Variants in GAB1 observed in about 807,000 individuals in gnomAD.
The protein encoded by GAB1 is GRB2 associated binding protein 1, also known as GRB2-associated-binding protein 1.
A neutral mutation model predicts 66.5 loss-of-function variants in GAB1; 19 were observed. The observed-to-expected ratio is 0.29, with a 90% CI of 0.20 to 0.42. The LOEUF (loss-of-function observed/expected upper bound fraction) is 0.42, where lower values mean the gene tolerates loss of function less well. GAB1 is among the 10% of genes least tolerant of loss of function. GAB1 has a pLI of 1.00. For synonymous variants in GAB1, 294 were observed against 301.4 expected (o/e 0.98, Z 0.25); for missense variants, 732 against 858.5 (o/e 0.85, Z 1.84).
chr4:143,418,566 C>T (rs1732827329), intron 2 of GAB1, among the ~76,000 whole-genome samples: 2 of 152,074 alleles, frequency 1.3e-5, no homozygotes, highest in South Asian at 4.1e-4. Context: ...TTGCCTATTG[C>T]CTTTTCAATG....
At chr4:143,385,095 A>G (rs1411183098) in intron 1 of GAB1, among the ~76,000 whole-genome samples, 2 of 152,198 alleles carry the variant, frequency 1.3e-5, no homozygotes, top group Admixed American at 6.5e-5. Flanking sequence ...GAGTTTATAT[A>G]TCAGCATAGC....
At chr4:143,356,826 A>T (rs2149653315) in intron 1 of GAB1, among the ~76,000 whole-genome samples, 1 of 152,276 alleles carries the variant, frequency 6.6e-6, no homozygotes, top group South Asian at 2.1e-4. Context: ...GAGTGCAGAG[A>T]TTTGAGCTTG....
chr4:143,432,638 C>T (rs1250415390), intron 2 of GAB1, among the ~76,000 whole-genome samples: 1 of 152,068 alleles, frequency 6.6e-6, no homozygotes, highest in Non-Finnish European at 1.5e-5. Flanking sequence ...GAGCATTTGC[C>T]TTTTTCTGCA....
chr4:143,461,050 A>G (rs1019415881), intron 8 of GAB1, among the ~76,000 whole-genome samples: 9 of 152,230 alleles, frequency 5.9e-5, no homozygotes, highest in Admixed American at 2.6e-4. Context: ...TGGCTATACT[A>G]CCATAAAGCA....
intron 6 of GAB1, among the ~76,000 whole-genome samples, chr4:143,451,532 T>TA (rs1734931315): frequency 6.6e-6 from 1 of 152,228 alleles, no homozygotes; most frequent in Non-Finnish European, 1.5e-5. Context: ...TTAGATTTGT[T>TA]ACCATTTAAA....
intron 1 of GAB1, among the ~76,000 whole-genome samples, chr4:143,350,363 G>A (rs1729152079): frequency 6.6e-6 from 1 of 152,108 alleles, no homozygotes; most frequent in Non-Finnish European, 1.5e-5. Flanking sequence ...TCATGGCTTA[G>A]CTCACTAAAA....
At chr4:143,383,932 G>A (rs1252613583) in intron 1 of GAB1, among the ~76,000 whole-genome samples, 2 of 152,064 alleles carry the variant, frequency 1.3e-5, no homozygotes, top group African/African-American at 2.4e-5. Context: ...AAAACTACCC[G>A]GGCGTGGTAA....
At chr4:143,371,499 T>G (rs1222606214) in intron 1 of GAB1, among the ~76,000 whole-genome samples, 1 of 152,250 alleles carries the variant, frequency 6.6e-6, no homozygotes, top group Non-Finnish European at 1.5e-5. Context: ...TTCTGTAGGT[T>G]GCCTGTTCAC....
intron 1 of GAB1, among the ~76,000 whole-genome samples, chr4:143,339,150 A>C (rs1728749801): frequency 6.6e-6 from 1 of 152,256 alleles, no homozygotes; most frequent in Admixed American, 6.5e-5. Flanking sequence ...ATTTGAACCC[A>C]GATCTGCCTG....
chr4:143,413,155 G>A (rs890299727), intron 1 of GAB1, among the ~76,000 whole-genome samples: 2 of 152,172 alleles, frequency 1.3e-5, no homozygotes, highest in Non-Finnish European at 2.9e-5. Flanking sequence ...ATCACTTACT[G>A]AATGATATGA....
chr4:143,461,503 A>G (rs2149792761), intron 8 of GAB1, among the ~76,000 whole-genome samples: 1 of 152,284 alleles, frequency 6.6e-6, no homozygotes, highest in East Asian at 1.9e-4. Context: ...GGAAAGAGAG[A>G]AAAAGAAGGG....
At chr4:143,397,620 G>T (rs1028788916) in intron 1 of GAB1, among the ~76,000 whole-genome samples, 23 of 152,102 alleles carry the variant, frequency 1.5e-4, no homozygotes, top group African/African-American at 4.3e-4. Context: ...CCTAAATATA[G>T]TAAATTTTAA....
At chr4:143,464,376 C>A in intron 8 of GAB1, among the ~76,000 whole-genome samples, 1 of 151,776 alleles carries the variant, frequency 6.6e-6, no homozygotes, top group East Asian at 1.9e-4. Context: ...TTACAGGTGC[C>A]CACCACCACA....
At chr4:143,456,233 G>A (rs1256717961) in intron 6 of GAB1, among the ~76,000 whole-genome samples, 1 of 152,162 alleles carries the variant, frequency 6.6e-6, no homozygotes, top group African/African-American at 2.4e-5. Flanking sequence ...CAAGGCGGGT[G>A]GATCACAAGG....
At chr4:143,373,887 T>TATATATATA (rs1560726049) in intron 1 of GAB1, among the ~76,000 whole-genome samples, 2 of 98,264 alleles carry the variant, frequency 2.0e-5, no homozygotes, top group Non-Finnish European at 4.1e-5. Flanking sequence ...ATATATATAT[T>TATATATATA]TTTACCTTTC....
intron 6 of GAB1, among the ~76,000 whole-genome samples, chr4:143,451,826 C>T (rs545509076): frequency 1.3e-5 from 2 of 151,662 alleles, no homozygotes; most frequent in East Asian, 1.9e-4. Flanking sequence ...GGAGTATAAG[C>T]GGAACTCATA....
At chr4:143,365,726 G>A (rs1041022528) in intron 1 of GAB1, among the ~76,000 whole-genome samples, 1 of 152,164 alleles carries the variant, frequency 6.6e-6, no homozygotes, top group Non-Finnish European at 1.5e-5. Flanking sequence ...TATACTTAAG[G>A]GAGCTTTCGT....
chr4:143,348,075 G>C (rs887446916), intron 1 of GAB1, among the ~76,000 whole-genome samples: 1 of 152,034 alleles, frequency 6.6e-6, no homozygotes, highest in East Asian at 1.9e-4. Flanking sequence ...TTTGTTAGTT[G>C]GTTCTTCATC....
At chr4:143,357,734 C>T (rs1179771027) in intron 1 of GAB1, among the ~76,000 whole-genome samples, 2 of 152,078 alleles carry the variant, frequency 1.3e-5, no homozygotes, top group Non-Finnish European at 2.9e-5. Flanking sequence ...GATACAGTCT[C>T]ATGATGCCAA....
Sources: allele counts gnomAD v4.1 joint callset (sites outside exome capture counted in the v4.1 genomes callset), GRCh38; gene constraint gnomAD v4.1.1; transcripts MANE v1.5; gene names NCBI Gene and HGNC (gene_info 2026-07-23, HGNC 2026-07-21).